RBM6: variants seen among roughly 807,000 people sequenced by gnomAD.
The protein encoded by RBM6 is RNA-binding protein 6.
A neutral mutation model predicts 140.4 loss-of-function variants in RBM6; 23 were observed. The ratio of observed to expected loss-of-function variants is 0.16; its 90% CI spans 0.12 to 0.23. RBM6 has a LOEUF of 0.23. Ranked by LOEUF, RBM6 falls within the 10% of genes least tolerant of loss-of-function variation. RBM6 has a pLI of 1.00. For missense variants in RBM6, 1,139 were observed against 1,386.7 expected (o/e 0.82, Z 2.84); for synonymous variants, 439 against 475.6 (o/e 0.92, Z 1.00).
chr3:50,045,682 G>T (rs1028954214), intron 6 of RBM6, among the ~76,000 whole-genome samples: 5 of 152,200 alleles, frequency 3.3e-5, no homozygotes, highest in Admixed American at 6.5e-5. Flanking sequence ...GGTGAAATGA[G>T]TGGCTGTTTG....
intron 6 of RBM6, among the ~76,000 whole-genome samples, chr3:50,044,207 G>A (rs372897232): frequency 1.4e-4 from 21 of 152,138 alleles, no homozygotes; most frequent in African/African-American, 5.1e-4. Flanking sequence ...AGCCAGACCT[G>A]GTTAATCAGA....
chr3:50,061,890 T>C, intron 14 of RBM6, 72 bp from the exon 15 acceptor site: 1 of 1,553,780 alleles, frequency 6.4e-7, no homozygotes, highest in Non-Finnish European at 8.7e-7. Flanking sequence ...AAGGGAACTG[T>C]GCGCCTTAGA....
intron 6 of RBM6, among the ~76,000 whole-genome samples, chr3:50,002,718 A>G (rs984592316): frequency 2.0e-5 from 3 of 152,210 alleles, no homozygotes; most frequent in Admixed American, 2.0e-4. Context: ...TTATAAGAAA[A>G]TAAATTTATT....
intron 6 of RBM6, among the ~76,000 whole-genome samples, chr3:50,006,702 AC>A (rs913897654): frequency 1.3e-5 from 2 of 151,192 alleles, no homozygotes; most frequent in African/African-American, 2.4e-5. Context: ...GGAGGCCAAG[AC>A]GGGCGGATCA....
chr3:50,068,962 G>A (rs979871146), intron 18 of RBM6, among the ~76,000 whole-genome samples, 198 bp downstream of exon 18: 47 of 152,202 alleles, frequency 3.1e-4, no homozygotes, highest in Non-Finnish European at 2.4e-4. Context: ...ATACTTCAAT[G>A]AAGTTGATAT....
intron 5 of RBM6, among the ~76,000 whole-genome samples, chr3:49,988,181 G>A (rs2085652690): frequency 6.6e-6 from 1 of 152,158 alleles, no homozygotes; most frequent in African/African-American, 2.4e-5. Flanking sequence ...GTCTTACTCT[G>A]TTGCTCAGGC....
intron 1 of RBM6, among the ~76,000 whole-genome samples, chr3:49,949,690 T>A (rs1160576605): frequency 6.6e-6 from 1 of 152,124 alleles, no homozygotes; most frequent in African/African-American, 2.4e-5. Flanking sequence ...ATTTTTTGTA[T>A]TTTTAGTGGA....
chr3:50,033,033 A>C (rs1468393135), intron 6 of RBM6, among the ~76,000 whole-genome samples: 1 of 151,986 alleles, frequency 6.6e-6, no homozygotes, highest in Non-Finnish European at 1.5e-5. Flanking sequence ...AGCCAAGCTC[A>C]TGCCTGTAAT....
intron 19 of RBM6, among the ~76,000 whole-genome samples, chr3:50,070,765 C>G (rs1163926918): frequency 1.3e-5 from 2 of 152,154 alleles, no homozygotes; most frequent in East Asian, 3.9e-4. Context: ...CTTCGCCTTC[C>G]CAAAGCCAGG....
At chr3:50,042,464 A>G (rs1357063447) in intron 6 of RBM6, among the ~76,000 whole-genome samples, 1 of 152,168 alleles carries the variant, frequency 6.6e-6, no homozygotes. Flanking sequence ...TGGGCACCAT[A>G]ACTCACGCCT....
chr3:50,039,492 C>T (rs925004580), intron 6 of RBM6, among the ~76,000 whole-genome samples: 1 of 141,756 alleles, frequency 7.1e-6, no homozygotes, highest in Non-Finnish European at 1.6e-5. Flanking sequence ...ACCCCCCCCC[C>T]CCCCACCCTT....
At chr3:49,953,439 C>T (rs138074169) in intron 1 of RBM6, among the ~76,000 whole-genome samples, 3,073 of 151,012 alleles carry the variant, frequency 0.02, 32 homozygotes, top group Middle Eastern at 0.035. Context: ...AGGCTGGTCT[C>T]GATCTCTTGA....
chr3:50,011,631 G>A (rs1348023021), intron 6 of RBM6, among the ~76,000 whole-genome samples: 1 of 152,046 alleles, frequency 6.6e-6, no homozygotes, highest in African/African-American at 2.4e-5. Context: ...CTTTCAAGCA[G>A]CATTGACACT....
rs775665953 is a variant in RBM6 at position 49,967,761 on chromosome 3, G to A, written c.336G>A (p.Gln112=). ...ATTTCCAGAGCAGAGATTCATCACA[G>A]TTGGACTTCAGGGGTAGGGACATAC... ...SSDFQSRDSS[Q]LDFRGRDIHS... The change falls in exon 3 of 21, where the codon CAG becomes CAA. Residue 112 remains glutamine (Q), a synonymous_variant. Coordinates refer to ENST00000266022, the MANE Select transcript of RBM6 (RefSeq NM_005777.3). The surrounding 1 kb of genome is among the most constrained non-coding windows in gnomAD (Gnocchi z 4.0). 3 of 1,614,066 alleles carry A rather than the reference G, an allele frequency of 1.9e-6. No individual in the cohort carries two copies. Among genetic ancestry groups the A allele is most frequent in the Non-Finnish European group, 2.5e-6 (3 of 1,180,040 alleles).
intron 5 of RBM6, among the ~76,000 whole-genome samples, chr3:49,997,139 C>A (rs181237868): frequency 6.6e-6 from 1 of 151,962 alleles, no homozygotes; most frequent in Admixed American, 6.6e-5. Context: ...ATGGCACAAC[C>A]ATGAGTCTTG....
intron 7 of RBM6, among the ~76,000 whole-genome samples, chr3:50,051,127 C>T (rs2089449266): frequency 6.6e-6 from 1 of 151,782 alleles, no homozygotes; most frequent in Non-Finnish European, 1.5e-5. Context: ...ATCACTTGAG[C>T]CCAGGAGTTC....
intron 6 of RBM6, among the ~76,000 whole-genome samples, chr3:50,035,117 T>A (rs1258305628): frequency 7.0e-6 from 1 of 143,744 alleles, no homozygotes; most frequent in East Asian, 2.3e-4. Context: ...TCTGTATCCA[T>A]ACAGGTCTGC....
chr3:50,054,740 T>G (rs968163212), intron 8 of RBM6, among the ~76,000 whole-genome samples: 1 of 152,164 alleles, frequency 6.6e-6, no homozygotes, highest in African/African-American at 2.4e-5. Flanking sequence ...GGCCTTGAAC[T>G]CCTGACCTTG....
chr3:50,052,728 G>C (rs921699823), intron 7 of RBM6, among the ~76,000 whole-genome samples: 9 of 152,168 alleles, frequency 5.9e-5, no homozygotes, highest in Non-Finnish European at 1.2e-4. Context: ...CTACAGTTCT[G>C]TTCCACGTGG....
Sources: allele counts gnomAD v4.1 joint callset (sites outside exome capture counted in the v4.1 genomes callset), GRCh38; gene constraint gnomAD v4.1.1; non-coding constraint Gnocchi (gnomAD v3.1); transcripts MANE v1.5; gene names NCBI Gene and HGNC (gene_info 2026-07-23, HGNC 2026-07-21).